The following SLC44A2 variants were observed in gnomAD, a reference collection of about 807,000 sequenced individuals.
The protein encoded by SLC44A2 is solute carrier family 44 member 2 (CTL2 blood group).
SLC44A2 carries 57 observed loss-of-function variants against 90.8 expected under a neutral mutation model. The ratio of observed to expected loss-of-function variants is 0.63; its 90% CI spans 0.51 to 0.78. SLC44A2 has a LOEUF of 0.78. Ranked by LOEUF, SLC44A2 falls within the 30% of genes least tolerant of loss-of-function variation. SLC44A2 has a pLI of 0.00. For missense variants in SLC44A2, 794 were observed against 919.7 expected (o/e 0.86, Z 1.77); for synonymous variants, 355 against 360.7 (o/e 0.98, Z 0.18).
chr19:10,627,887 G>T, intron 3 of SLC44A2, 33 bp from the exon 4 acceptor site: 1 of 1,611,724 alleles, frequency 6.2e-7, no homozygotes. Flanking sequence ...CTGAGGAGTG[G>T]CAGTGTCTCA....
chr19:10,621,422 G>GTT (rs34643212), upstream of SLC44A2, among the ~76,000 whole-genome samples: 4,937 of 89,242 alleles, frequency 0.055, 143 homozygotes, highest in Non-Finnish European at 0.071. Context: ...ATGGTTGGGT[G>GTT]TTTTTTTTTT....
rs557736759 is a variant in SLC44A2 at position 10,629,097 on chromosome 19, A to G, written c.245+1093A>G. Among the ~76,000 whole-genome samples the G allele has an allele frequency of 3.3e-5, 5 of 150,970 alleles. No homozygotes were observed. The South Asian group carries it at 6.3e-4, about 19-fold the overall frequency. The stretch of plus-strand genomic sequence containing the variant: ...CATGTTCCTGTAATCCCGGTTACTC[A>G]GGAGGCTGAGGCAGGAGAATTGCTT... On this transcript the variant is annotated intron_variant, in intron 4 of 21. Coordinates refer to ENST00000335757, the MANE Select transcript of SLC44A2 (RefSeq NM_020428.4).
Position 10,635,081 on chromosome 19 carries a change from G to T in SLC44A2, c.1055+8G>T. ...CATCAAAGAAGCCAGCAGGTGGGGG[G>T]CCAGGGTGCCAGGGGCCAGGATGGA... On this transcript the variant is annotated splice_region_variant and intron_variant, in intron 12 of 21. Coordinates refer to ENST00000335757, the MANE Select transcript of SLC44A2 (RefSeq NM_020428.4). 1 of 1,613,940 alleles carries T rather than the reference G, an allele frequency of 6.2e-7. No homozygotes were observed. Among genetic ancestry groups the T allele is most frequent in the Non-Finnish European group, 8.5e-7 (1 of 1,179,920 alleles).
intron 1 of SLC44A2, among the ~76,000 whole-genome samples, chr19:10,617,389 T>G (rs1026769952): frequency 6.6e-6 from 1 of 152,128 alleles, no homozygotes. Context: ...TCACAAGATA[T>G]TACCAATGTT....
intron 16 of SLC44A2, 193 bp downstream of exon 16, chr19:10,636,949 C>A: frequency 3.4e-6 from 2 of 583,818 alleles, no homozygotes; most frequent in Non-Finnish European, 5.9e-6. Flanking sequence ...AGAGAACCTA[C>A]TGGGTGGAAT....
At chr19:10,635,716 C>G in intron 14 of SLC44A2, 4 of 515,936 alleles carry the variant, frequency 7.8e-6, no homozygotes, top group Non-Finnish European at 1.4e-5. Context: ...GGCTTCCTCT[C>G]TTCAACTTGA....
At chr19:10,643,138 A>C (rs1799789819) in intron 21 of SLC44A2, 141 bp from the exon 22 acceptor site, 1 of 1,451,918 alleles carries the variant, frequency 6.9e-7, no homozygotes, top group African/African-American at 1.4e-5. Context: ...AGCCCACTAC[A>C]GTCTGCCCCT....
intron 4 of SLC44A2, among the ~76,000 whole-genome samples, chr19:10,628,759 G>A (rs774371387): frequency 2.0e-5 from 3 of 152,126 alleles, no homozygotes; most frequent in Non-Finnish European, 4.4e-5. Context: ...AACAGAGCAA[G>A]CATAGCCTGA....
At chr19:10,640,567 C>T (rs1480427475) in intron 20 of SLC44A2, among the ~76,000 whole-genome samples, 1 of 152,144 alleles carries the variant, frequency 6.6e-6, no homozygotes, top group Non-Finnish European at 1.5e-5. Flanking sequence ...GCAAGGACTA[C>T]AGGCATGAGC....
intron 1 of SLC44A2, chr19:10,602,581 AG>A (rs1455289097): frequency 1.6e-6 from 2 of 1,266,308 alleles, no homozygotes; most frequent in Non-Finnish European, 2.0e-6. Context: ...GCCTCCGGTC[AG>A]GGGCCGCCTC....
intron 1 of SLC44A2, among the ~76,000 whole-genome samples, chr19:10,608,261 A>G (rs1243695650): frequency 1.3e-5 from 2 of 148,710 alleles, no homozygotes; most frequent in Non-Finnish European, 3.0e-5. Flanking sequence ...GGGTCTTGCT[A>G]TGTTGCCTTG....
rs1310054895 is a variant in SLC44A2, at chr19:10,631,954, A to G, written c.710+3A>G. The G allele has an allele frequency of 6.2e-7, 1 of 1,614,040 alleles. No individual in the cohort carries two copies. The highest frequency in any genetic ancestry group is 8.5e-7 in the Non-Finnish European group (1 of 1,180,018). On this transcript the variant is annotated splice_donor_region_variant and intron_variant, in intron 9 of 21. Coordinates refer to ENST00000335757, the MANE Select transcript of SLC44A2 (RefSeq NM_020428.4). ...GTCTCTTGGTACTGGATTATCATGT[A>G]AGTCAGGAGGGAAGGGGCCTCTCCC...
rs755861312 is a variant in SLC44A2 at position 10,631,102 on chromosome 19, C to T, written c.291C>T (p.Ser97=). ...LFYFNIVKCA[S]PLVLLEFQCP... The stretch of plus-strand genomic sequence containing the variant: ...ATTTCAACATTGTGAAATGTGCCAG[C>T]CCCCTGGTTCTGCTGGAATTCCAAT... Residue 97 remains serine, a synonymous_variant, in exon 5 of 22, where the codon AGC becomes AGT. Coordinates refer to ENST00000335757, the MANE Select transcript of SLC44A2 (RefSeq NM_020428.4). The T allele has an allele frequency of 6.2e-7, 1 of 1,614,028 alleles. No individual in the cohort carries two copies. Among genetic ancestry groups the T allele is most frequent in the Non-Finnish European group, 8.5e-7 (1 of 1,179,958 alleles).
chr19:10,626,404 A>T, intron 2 of SLC44A2, 103 bp downstream of exon 2: 1 of 925,826 alleles, frequency 1.1e-6, no homozygotes, highest in Non-Finnish European at 1.7e-6. Context: ...GGTGACAAAT[A>T]TTTGAAACTT....
intron 16 of SLC44A2, chr19:10,637,037 T>C: frequency 2.4e-6 from 1 of 419,254 alleles, no homozygotes; most frequent in South Asian, 3.4e-5. Flanking sequence ...GTGGTATATA[T>C]TTGCGCTGAA....
intron 20 of SLC44A2, chr19:10,641,278 C>T (rs895395115): frequency 2.7e-6 from 1 of 376,890 alleles, no homozygotes; most frequent in South Asian, 2.0e-5. Context: ...CCTGTAGTCC[C>T]AGCTCCTTGT....
At chr19:10,613,495 C>G (rs897323251) in intron 1 of SLC44A2, among the ~76,000 whole-genome samples, 1 of 152,124 alleles carries the variant, frequency 6.6e-6, no homozygotes, top group East Asian at 1.9e-4. Flanking sequence ...AAGTAATCTG[C>G]CTGCCTTGAC....
In SLC44A2 at chr19:10,609,114, C is replaced by T. The variant is rs571352581; in HGVS notation, c.31+6553C>T. Among the ~76,000 whole-genome samples, 75 of 151,366 alleles carry T rather than the reference C, an allele frequency of 5.0e-4. 3 individuals are homozygous for T. In the South Asian group the frequency reaches 0.011, roughly 22 times the overall value. On this transcript the variant is annotated intron_variant, in intron 1 of 21. Transcript: ENST00000407327. The stretch of plus-strand genomic sequence containing the variant: ...CTGGGATTACAGGCATGTGCCACCA[C>T]GCCCAGCTAATTTTTGTATTTTTGG...
intron 1 of SLC44A2, among the ~76,000 whole-genome samples, chr19:10,616,127 G>T (rs528985140): frequency 1.1e-4 from 16 of 149,492 alleles, no homozygotes; most frequent in Admixed American, 2.0e-4. Flanking sequence ...GTGACAGTGA[G>T]ACCCTGTCTC....
Sources: gnomAD v4.1 joint callset for allele counts (sites outside exome capture counted in the v4.1 genomes callset) on GRCh38, gnomAD v4.1.1 for gene constraint, MANE v1.5 for transcripts, NCBI Gene and HGNC (gene_info 2026-07-23, HGNC 2026-07-21) for gene names.